Variants in PRTFDC1 observed in about 807,000 individuals in gnomAD.
PRTFDC1 encodes phosphoribosyl transferase domain containing 1.
A neutral mutation model predicts 34.6 loss-of-function variants in PRTFDC1; 38 were observed. The ratio of observed to expected loss-of-function variants is 1.10; its 90% CI spans 0.85 to 1.44. The LOEUF is 1.44. Among genes scored for constraint, PRTFDC1 ranks in the 40% most tolerant of loss-of-function variants. The pLI, the probability that PRTFDC1 is intolerant of heterozygous loss-of-function variation, is 0.00. For missense variants in PRTFDC1, 270 were observed against 283.0 expected (o/e 0.95, Z 0.33); for synonymous variants, 93 against 98.1 (o/e 0.95, Z 0.31).
At chr10:24,916,210 G>T (rs1333223089) in intron 3 of PRTFDC1, among the ~76,000 whole-genome samples, 1 of 152,046 alleles carries the variant, frequency 6.6e-6, no homozygotes, top group Non-Finnish European at 1.5e-5. Context: ...TCCAAATACT[G>T]CTCACCAGCT....
chr10:24,850,609 G>A (rs1847468679), intron 8 of PRTFDC1, among the ~76,000 whole-genome samples: 1 of 152,154 alleles, frequency 6.6e-6, no homozygotes. Context: ...TCTAGCCTAG[G>A]TGAGACTGTG....
At chr10:24,923,947 G>A (rs1848832177) in intron 3 of PRTFDC1, among the ~76,000 whole-genome samples, 1 of 152,198 alleles carries the variant, frequency 6.6e-6, no homozygotes. Flanking sequence ...ACAGTGTAGA[G>A]AAGAACTTAA....
intron 2 of PRTFDC1, among the ~76,000 whole-genome samples, chr10:24,940,323 A>G (rs74340410): frequency 0.02 from 2,975 of 152,340 alleles, 60 homozygotes; most frequent in African/African-American, 0.049. Flanking sequence ...TGCAAATCAT[A>G]TATCTGATAA....
intron 4 of PRTFDC1, among the ~76,000 whole-genome samples, chr10:24,871,125 A>T (rs1847861714): frequency 6.6e-6 from 1 of 150,556 alleles, no homozygotes; most frequent in Non-Finnish European, 1.5e-5. Flanking sequence ...TATGATTATT[A>T]CACATATTTT....
At position 24,857,006 on chromosome 10, in the gene PRTFDC1, A is replaced by T. The variant is rs746280063; in HGVS notation, c.424-11T>A. ...AGTTCCGACAACATCCTTTGCAAAAAGGACAGATAAATTCAACAAAATGCA... is the reference window on the plus strand; with the variant it reads ...AGTTCCGACAACATCCTTTGCAAAATGGACAGATAAATTCAACAAAATGCA... On this transcript the variant is annotated splice_polypyrimidine_tract_variant and intron_variant, in intron 5 of 8. Transcript: ENST00000320152. The T allele has an allele frequency of 1.1e-5, 18 of 1,604,632 alleles. No homozygotes were observed. The highest frequency in any genetic ancestry group is 1.5e-5 in the Non-Finnish European group (17 of 1,171,448).
In PRTFDC1 at chr10:24,849,326, A is replaced by G. The variant is rs991521906; in HGVS notation, c.*518T>C. On this transcript the variant is annotated 3_prime_UTR_variant, in exon 9 of 9. Transcript: ENST00000320152. ...AATGGCCTGTCAGAAATGCACAAACAGAAATTTATATTAAATTGTCCTTTC... is the reference window on the plus strand; with the variant it reads ...AATGGCCTGTCAGAAATGCACAAACGGAAATTTATATTAAATTGTCCTTTC... 3.9e-5 allele frequency: 6 copies of G among 152,768 alleles called. No homozygotes were observed. The highest frequency in any genetic ancestry group is 1.4e-4 in the African/African-American group (6 of 41,462). 9.5% of individuals were successfully genotyped at this position (152,768 alleles called of 1,614,324 possible). A position where few individuals can be genotyped will look rare whatever the true frequency, so the allele number is the denominator to read the frequency against.
intron 4 of PRTFDC1, among the ~76,000 whole-genome samples, chr10:24,870,373 G>T (rs975243846): frequency 6.6e-6 from 1 of 152,166 alleles, no homozygotes; most frequent in Non-Finnish European, 1.5e-5. Flanking sequence ...CTCTGAAAGT[G>T]CTGGGATTGC....
chr10:24,865,536 C>T (rs1485173187), intron 4 of PRTFDC1, among the ~76,000 whole-genome samples: 1 of 152,264 alleles, frequency 6.6e-6, no homozygotes, highest in Non-Finnish European at 1.5e-5. Context: ...CTAGGAGCTG[C>T]AGGCAAAAAC....
At chr10:24,942,196 T>C (rs980375338) in intron 2 of PRTFDC1, 134 bp downstream of exon 2, 6 of 642,782 alleles carry the variant, frequency 9.3e-6, no homozygotes, top group African/African-American at 5.4e-5. Flanking sequence ...CCAAATTCAC[T>C]GCCCTATATA....
chr10:24,938,111 A>C (rs1244246672), intron 2 of PRTFDC1, among the ~76,000 whole-genome samples: 1 of 151,712 alleles, frequency 6.6e-6, no homozygotes, highest in Non-Finnish European at 1.5e-5. Context: ...CTGTAATCCC[A>C]GCTACTCGGG....
At chr10:24,900,297 T>C (rs1848427688) in intron 3 of PRTFDC1, among the ~76,000 whole-genome samples, 1 of 152,238 alleles carries the variant, frequency 6.6e-6, no homozygotes, top group Non-Finnish European at 1.5e-5. Flanking sequence ...GCCCTGGTCT[T>C]GATTCCCAGT....
chr10:24,934,244 GAAGGAGAAGAAGAAGA>G (rs1564317698), intron 3 of PRTFDC1, among the ~76,000 whole-genome samples: 8 of 141,258 alleles, frequency 5.7e-5, no homozygotes, highest in African/African-American at 1.6e-4. Context: ...AGAAGAAGAA[GAAGGAGAAGAAGAAGA>G]AGAAGAAGAA....
At chr10:24,871,850 G>A in intron 4 of PRTFDC1, 148 bp downstream of exon 4, 1 of 622,374 alleles carries the variant, frequency 1.6e-6, no homozygotes, top group East Asian at 2.8e-5. Flanking sequence ...TTAGAAAGGG[G>A]AGATCATTAA....
At chr10:24,879,552 C>G (rs948672698) in intron 3 of PRTFDC1, among the ~76,000 whole-genome samples, 11 of 151,686 alleles carry the variant, frequency 7.3e-5, no homozygotes, top group African/African-American at 2.7e-4. Context: ...TTCACCATGT[C>G]GGCTAGGCTG....
intron 3 of PRTFDC1, among the ~76,000 whole-genome samples, chr10:24,931,904 G>T (rs1333222508): frequency 1.0e-4 from 12 of 117,702 alleles, no homozygotes; most frequent in Admixed American, 6.7e-4. Flanking sequence ...TCAGAAAAAG[G>T]CACTATAAGA....
chr10:24,940,145 C>G (rs1849131180), intron 2 of PRTFDC1, among the ~76,000 whole-genome samples: 1 of 152,180 alleles, frequency 6.6e-6, no homozygotes, highest in Non-Finnish European at 1.5e-5. Context: ...ACAGGTCCAA[C>G]AGTCAGAGAA....
At chr10:24,879,582 A>G (rs1186993231) in intron 3 of PRTFDC1, among the ~76,000 whole-genome samples, 1 of 152,062 alleles carries the variant, frequency 6.6e-6, no homozygotes, top group Non-Finnish European at 1.5e-5. Flanking sequence ...TCCTGACCTC[A>G]GATGATCTGC....
intron 3 of PRTFDC1, among the ~76,000 whole-genome samples, chr10:24,875,735 A>T (rs1404409260): frequency 6.6e-6 from 1 of 150,998 alleles, no homozygotes; most frequent in Admixed American, 6.6e-5. Context: ...CAGTTTCTAT[A>T]TTTTTCTAAT....
intron 2 of PRTFDC1, among the ~76,000 whole-genome samples, chr10:24,939,410 T>C (rs1849112648): frequency 6.6e-6 from 1 of 151,720 alleles, no homozygotes; most frequent in South Asian, 2.1e-4. Flanking sequence ...CTAAACATTA[T>C]ATCAATACTC....
Sources: allele counts gnomAD v4.1 joint callset (sites outside exome capture counted in the v4.1 genomes callset), GRCh38; gene constraint gnomAD v4.1.1; transcripts MANE v1.5; gene names NCBI Gene and HGNC (gene_info 2026-07-23, HGNC 2026-07-21).